The following PPARGC1A variants were observed in gnomAD, a reference collection of about 807,000 sequenced individuals.
PPARGC1A encodes the protein peroxisome proliferator-activated receptor gamma coactivator 1-alpha.
In PPARGC1A, 25 loss-of-function variants were observed where a neutral mutation model predicts 88.7. That is an observed-to-expected ratio of 0.28 (90% CI 0.21 to 0.39). The LOEUF is 0.39. PPARGC1A is among the 10% of genes least tolerant of loss of function. The pLI, the probability that PPARGC1A is intolerant of heterozygous loss-of-function variation, is 1.00. For missense variants in PPARGC1A, 880 were observed against 968.7 expected (o/e 0.91, Z 1.22); for synonymous variants, 363 against 355.6 (o/e 1.02, Z -0.24).
At chr4:24,467,277 G>A in the PPARGC1A span, among the ~76,000 whole-genome samples, 3 of 152,178 alleles carry the variant, frequency 2.0e-5, no homozygotes, top group Non-Finnish European at 4.4e-5. Flanking sequence ...TGTGAAAAGT[G>A]GGGTTCTGTG....
At chr4:24,307,245 C>T in the PPARGC1A span, among the ~76,000 whole-genome samples, 1 of 152,168 alleles carries the variant, frequency 6.6e-6, no homozygotes, top group Admixed American at 6.5e-5. Context: ...TTGTGAAACA[C>T]AGATTTCACC....
intron 7 of PPARGC1A, 108 bp downstream of exon 7, chr4:23,824,172 C>T: frequency 8.2e-6 from 7 of 851,782 alleles, no homozygotes; most frequent in Non-Finnish European, 1.1e-5. Context: ...ATTTTGTATT[C>T]TTTGTTAATT....
chr4:24,028,680 T>C, the PPARGC1A span, among the ~76,000 whole-genome samples: 4 of 152,184 alleles, frequency 2.6e-5, no homozygotes, highest in Admixed American at 6.5e-5. Flanking sequence ...TTTATGGTGC[T>C]TCTGTTCCCT....
chr4:24,364,322 T>C, the PPARGC1A span, among the ~76,000 whole-genome samples: 1 of 152,174 alleles, frequency 6.6e-6, no homozygotes, highest in Non-Finnish European at 1.5e-5. Context: ...ATGGCAAACA[T>C]TGGTTTGTAT....
At chr4:24,261,757 C>T in the PPARGC1A span, among the ~76,000 whole-genome samples, 1 of 151,922 alleles carries the variant, frequency 6.6e-6, no homozygotes, top group East Asian at 1.9e-4. Flanking sequence ...CTATTTCTGA[C>T]TATTAAAGGG....
the PPARGC1A span, among the ~76,000 whole-genome samples, chr4:24,259,141 T>C: frequency 6.6e-6 from 1 of 152,076 alleles, no homozygotes; most frequent in African/African-American, 2.4e-5. Flanking sequence ...TGAGTTTGGG[T>C]TCTGTGTATG....
At chr4:24,105,352 TC>T in the PPARGC1A span, among the ~76,000 whole-genome samples, 1 of 152,276 alleles carries the variant, frequency 6.6e-6, no homozygotes, top group East Asian at 1.9e-4. Context: ...ACTTGGCAGC[TC>T]ATCACACTTT....
the PPARGC1A span, among the ~76,000 whole-genome samples, chr4:24,100,923 A>G: frequency 6.6e-6 from 1 of 152,188 alleles, no homozygotes; most frequent in African/African-American, 2.4e-5. Flanking sequence ...AATAAACTAC[A>G]ATTTACAGGT....
chr4:24,264,812 A>G, the PPARGC1A span, among the ~76,000 whole-genome samples: 6 of 152,188 alleles, frequency 3.9e-5, no homozygotes, highest in Admixed American at 2.6e-4. Context: ...GCTTTTGCCT[A>G]TTTGTTTCCT....
the PPARGC1A span, among the ~76,000 whole-genome samples, chr4:23,979,850 A>G: frequency 1.3e-5 from 2 of 152,228 alleles, no homozygotes; most frequent in Admixed American, 6.5e-5. Context: ...TGCTGAGGAC[A>G]GGTGTAGTGG....
At chr4:24,179,692 A>AT in the PPARGC1A span, among the ~76,000 whole-genome samples, 1 of 152,172 alleles carries the variant, frequency 6.6e-6, no homozygotes, top group Non-Finnish European at 1.5e-5. Flanking sequence ...AAACCACAGA[A>AT]TCATGAGCTA....
the PPARGC1A span, among the ~76,000 whole-genome samples, chr4:23,929,387 A>G: frequency 6.6e-6 from 1 of 152,172 alleles, no homozygotes; most frequent in Non-Finnish European, 1.5e-5. Context: ...TCCATCAACC[A>G]CCATCTTAGG....
chr4:24,367,735 ATTG>A, the PPARGC1A span, among the ~76,000 whole-genome samples: 1 of 152,134 alleles, frequency 6.6e-6, no homozygotes, highest in African/African-American at 2.4e-5. Context: ...TAATGAACAT[ATTG>A]TTGTTGTTTC....
Position 23,831,559 on chromosome 4 carries a change from G to A in PPARGC1A, c.427C>T (p.Leu143=). The change falls in exon 3 of 13, where the codon CTA becomes TTA. Residue 143 remains leucine (L), a splice_region_variant and synonymous_variant. Transcript: ENST00000264867. The part of the protein sequence containing the change: ...PPPQEAEEPS[L]LKKLLLAPAN... Reference sequence around the variant, plus strand: ...TAAACAGTAGGAAGGGTTCTTACTAGAGACGGCTCTTCTGCCTCCTGGGGT... The same window carrying A: ...TAAACAGTAGGAAGGGTTCTTACTAAAGACGGCTCTTCTGCCTCCTGGGGT... The A allele has an allele frequency of 6.2e-7, 1 of 1,613,450 alleles. No homozygotes were observed. Among genetic ancestry groups the A allele is most frequent in the Non-Finnish European group, 8.5e-7 (1 of 1,179,534 alleles).
At chr4:24,261,767 G>A in the PPARGC1A span, among the ~76,000 whole-genome samples, 9 of 150,908 alleles carry the variant, frequency 6.0e-5, no homozygotes, top group Admixed American at 2.0e-4. Context: ...CTATTAAAGG[G>A]CCCCTTCTTA....
At chr4:23,803,562 T>A (rs1719180469) in intron 10 of PPARGC1A, among the ~76,000 whole-genome samples, 1 of 152,164 alleles carries the variant, frequency 6.6e-6, no homozygotes, top group South Asian at 2.1e-4. Context: ...AGCACAGAAA[T>A]GCATTCTTAG....
At chr4:24,336,300 C>T in the PPARGC1A span, among the ~76,000 whole-genome samples, 5 of 152,142 alleles carry the variant, frequency 3.3e-5, no homozygotes, top group Admixed American at 1.3e-4. Flanking sequence ...TGAGAAGAGA[C>T]AGGGATGGTG....
chr4:24,308,568 C>A, the PPARGC1A span, among the ~76,000 whole-genome samples: 4 of 151,894 alleles, frequency 2.6e-5, no homozygotes, highest in Non-Finnish European at 5.9e-5. Context: ...GTTATGAAGC[C>A]AGAGGCTGCT....
At chr4:24,008,854 C>T in the PPARGC1A span, among the ~76,000 whole-genome samples, 1 of 152,146 alleles carries the variant, frequency 6.6e-6, no homozygotes, top group South Asian at 2.1e-4. Context: ...TATTTGCTAA[C>T]TGAAGATGTT....
Sources: allele counts gnomAD v4.1 joint callset (sites outside exome capture counted in the v4.1 genomes callset), GRCh38; gene constraint gnomAD v4.1.1; transcripts MANE v1.5; gene names NCBI Gene and HGNC (gene_info 2026-07-23, HGNC 2026-07-21).